The following ITGB5 variants were observed in gnomAD, a reference collection of about 807,000 sequenced individuals.
The protein encoded by ITGB5 is integrin subunit beta 5.
A neutral mutation model predicts 84.8 loss-of-function variants in ITGB5; 38 were observed. The ratio of observed to expected loss-of-function variants is 0.45; its 90% CI spans 0.35 to 0.59. ITGB5 has a LOEUF of 0.59. Ranked by LOEUF, ITGB5 falls within the 20% of genes least tolerant of loss-of-function variation. ITGB5 has a pLI of 0.01. For synonymous variants in ITGB5, 393 were observed against 414.4 expected (o/e 0.95, Z 0.63); for missense variants, 905 against 1,034.5 (o/e 0.87, Z 1.72).
intron 10 of ITGB5, among the ~76,000 whole-genome samples, chr3:124,783,312 A>AAAAGAG (rs2064033243): frequency 8.1e-5 from 12 of 147,618 alleles, no homozygotes; most frequent in Non-Finnish European, 1.3e-4. Context: ...AAAAAAAAAA[A>AAAAGAG]AGAGAGAGAG....
chr3:124,864,699 CATA>C (rs957194541), intron 2 of ITGB5, among the ~76,000 whole-genome samples: 13 of 151,740 alleles, frequency 8.6e-5, no homozygotes, highest in African/African-American at 3.2e-4. Context: ...GCAATATACC[CATA>C]TAACAAACCT....
At chr3:124,802,735 G>A (rs1339780665) in intron 9 of ITGB5, among the ~76,000 whole-genome samples, 1 of 152,268 alleles carries the variant, frequency 6.6e-6, no homozygotes, top group Non-Finnish European at 1.5e-5. Flanking sequence ...CCTCAAGAGA[G>A]CTGCCTCTCC....
chr3:124,785,457 C>T (rs1208156349), intron 10 of ITGB5, among the ~76,000 whole-genome samples: 3 of 151,762 alleles, frequency 2.0e-5, no homozygotes, highest in Non-Finnish European at 2.9e-5. Context: ...TGGTGGCAGG[C>T]GCCTGTAATC....
At chr3:124,864,181 C>T (rs1028878105) in intron 2 of ITGB5, among the ~76,000 whole-genome samples, 1 of 138,202 alleles carries the variant, frequency 7.2e-6, no homozygotes, top group Admixed American at 7.9e-5. Flanking sequence ...GATCTCAGCT[C>T]ACTGCAAGGT....
chr3:124,822,751 C>T (rs1332928053), intron 5 of ITGB5, among the ~76,000 whole-genome samples: 2 of 152,124 alleles, frequency 1.3e-5, no homozygotes, highest in African/African-American at 4.8e-5. Flanking sequence ...TTACTGCATG[C>T]CAGGCCCCAC....
intron 5 of ITGB5, among the ~76,000 whole-genome samples, chr3:124,840,680 T>C (rs1223335556): frequency 3.4e-5 from 5 of 149,198 alleles, no homozygotes; most frequent in Admixed American, 3.3e-4. Flanking sequence ...TTTTTTTAAA[T>C]TTGAGACAGA....
In ITGB5 at chr3:124,898,841, C is replaced by T. The variant is rs539366855; in HGVS notation, c.-255+2425G>A. Reference sequence around the variant, plus strand: ...CTGTAATCCCAGTACTTTGGGAGGCCGAGGCAGGCGGATCACCTGAGGTCA... The same window carrying T: ...CTGTAATCCCAGTACTTTGGGAGGCTGAGGCAGGCGGATCACCTGAGGTCA... On this transcript the variant is annotated intron_variant, in intron 1 of 4. Coordinates refer to the ITGB5 transcript ENST00000608657. 2.7e-5 allele frequency among the ~76,000 whole-genome samples: 4 copies of T among 149,734 alleles called. No individual in the cohort carries two copies. The East Asian group carries it at 7.8e-4, about 29-fold the overall frequency.
intron 10 of ITGB5, among the ~76,000 whole-genome samples, chr3:124,794,184 C>T (rs937690941): frequency 3.3e-5 from 5 of 152,178 alleles, no homozygotes; most frequent in African/African-American, 1.2e-4. Context: ...CACAGCCCTG[C>T]CTAAAACTGT....
intron 1 of ITGB5, among the ~76,000 whole-genome samples, chr3:124,886,390 C>G (rs1368459286): frequency 6.6e-6 from 1 of 152,144 alleles, no homozygotes; most frequent in Non-Finnish European, 1.5e-5. Flanking sequence ...GGCGGCTAGC[C>G]TAGGCGCAGC....
chr3:124,806,948 A>C (rs2064415160), intron 9 of ITGB5, among the ~76,000 whole-genome samples: 1 of 152,192 alleles, frequency 6.6e-6, no homozygotes, highest in Non-Finnish European at 1.5e-5. Context: ...CCGATGTAAA[A>C]TAATATTAAT....
chr3:124,820,743 C>A (rs867256075), intron 6 of ITGB5, among the ~76,000 whole-genome samples: 11 of 152,128 alleles, frequency 7.2e-5, no homozygotes, highest in African/African-American at 2.7e-4. Context: ...GTTCATTTTA[C>A]TGGTCTATTA....
chr3:124,884,924 G>A (rs1158993520), intron 1 of ITGB5, among the ~76,000 whole-genome samples: 1 of 152,094 alleles, frequency 6.6e-6, no homozygotes, highest in African/African-American at 2.4e-5. Flanking sequence ...GAAGATGTAC[G>A]TGAACTCTGA....
At chr3:124,880,617 T>TA (rs1934522854) in intron 1 of ITGB5, among the ~76,000 whole-genome samples, 1 of 151,894 alleles carries the variant, frequency 6.6e-6, no homozygotes, top group African/African-American at 2.4e-5. Context: ...CTGTCTTTTT[T>TA]TAAAAAATAA....
At chr3:124,764,268 G>A in intron 14 of ITGB5, 123 bp downstream of exon 14, 2 of 993,270 alleles carry the variant, frequency 2.0e-6, no homozygotes, top group Non-Finnish European at 3.0e-6. Flanking sequence ...AGCGTTTCTG[G>A]TGTTGATTCT....
intron 2 of ITGB5, 75 bp downstream of exon 2, chr3:124,873,371 G>A: frequency 1.1e-6 from 1 of 945,368 alleles, no homozygotes. Context: ...TTAGTGTGTT[G>A]TGGTGTTGGC....
At chr3:124,786,990 A>G (rs1468267916) in intron 10 of ITGB5, among the ~76,000 whole-genome samples, 3 of 152,216 alleles carry the variant, frequency 2.0e-5, no homozygotes, top group African/African-American at 7.2e-5. Context: ...CTATAATATC[A>G]AAAGGCTAAT....
upstream of ITGB5, among the ~76,000 whole-genome samples, chr3:124,890,678 G>A (rs767440892): frequency 2.6e-5 from 4 of 152,068 alleles, no homozygotes; most frequent in Non-Finnish European, 4.4e-5. Context: ...GATCAAACCT[G>A]CCCCTGGTTC....
At chr3:124,889,356 C>T (rs1934943337), upstream of ITGB5, among the ~76,000 whole-genome samples, 1 of 152,186 alleles carries the variant, frequency 6.6e-6, no homozygotes, top group Admixed American at 6.5e-5. Context: ...TGGAAGCCCC[C>T]ACTTCAAGTT....
chr3:124,825,885 T>C (rs1173596598), intron 5 of ITGB5, among the ~76,000 whole-genome samples: 2 of 152,194 alleles, frequency 1.3e-5, no homozygotes, highest in Admixed American at 1.3e-4. Flanking sequence ...TGCAACAGTA[T>C]TTTTATTAAT....
Sources: allele counts gnomAD v4.1 joint callset (sites outside exome capture counted in the v4.1 genomes callset), GRCh38; gene constraint gnomAD v4.1.1; transcripts MANE v1.5; gene names NCBI Gene and HGNC (gene_info 2026-07-23, HGNC 2026-07-21).